Variants in CDH22 observed in about 807,000 individuals in gnomAD.
CDH22 encodes cadherin 22, also known as cadherin-22.
Under a neutral mutation model 58.4 loss-of-function variants are expected in CDH22, and 30 were observed. That is an observed-to-expected ratio of 0.51 (90% CI 0.38 to 0.70). CDH22 has a LOEUF of 0.70. CDH22 is among the 30% of genes least tolerant of loss of function. The probability of loss-of-function intolerance (pLI) is 0.00; values close to 1 mark genes in which losing one functional copy is unlikely to be tolerated. For missense variants in CDH22, 1,014 were observed against 1,233.9 expected (o/e 0.82, Z 2.67); for synonymous variants, 513 against 558.2 (o/e 0.92, Z 1.14).
At chr20:46,200,250 C>G (rs1278266933) in intron 7 of CDH22, among the ~76,000 whole-genome samples, 2 of 151,594 alleles carry the variant, frequency 1.3e-5, no homozygotes, top group Admixed American at 1.3e-4. Context: ...CCTGGGATTA[C>G]AGGCGTGAGC....
Position 46,174,401 on chromosome 20 carries a change from T to G in CDH22, c.*105A>C. 58 of 731,804 alleles carry G rather than the reference T, an allele frequency of 7.9e-5. No individual in the cohort carries two copies. Among genetic ancestry groups the G allele is most frequent in the Non-Finnish European group, 1.1e-4 (55 of 485,192 alleles). The allele number at this position is 731,804 out of a possible 1,614,324, so 45.3% of individuals were successfully genotyped here. ...CCTCCGTCCAGCCGCCAAGGGAGGG[T>G]TGGGGGAGGGCAGGAAAGGGGGTCC... On this transcript the variant is annotated 3_prime_UTR_variant, in exon 12 of 12. Coordinates refer to ENST00000537909, the MANE Select transcript of CDH22 (RefSeq NM_021248.3). The surrounding 1 kb of genome is among the most constrained non-coding windows in gnomAD (Gnocchi z 4.4).
At chr20:46,191,588 A>G (rs918935978) in intron 8 of CDH22, among the ~76,000 whole-genome samples, 2 of 152,180 alleles carry the variant, frequency 1.3e-5, no homozygotes, top group Admixed American at 1.3e-4. Flanking sequence ...CGTCCTGTCA[A>G]CCACGGTGGG....
At chr20:46,231,117 C>T (rs939566649) in intron 3 of CDH22, among the ~76,000 whole-genome samples, 15 of 152,172 alleles carry the variant, frequency 9.9e-5, no homozygotes, top group African/African-American at 3.4e-4. Flanking sequence ...AGAGCTGGGA[C>T]TGGTTGACAG....
rs528911120 is a variant in CDH22 at position 46,200,209 on chromosome 20, C to T, written c.1287-650G>A. Among the ~76,000 whole-genome samples the T allele has an allele frequency of 2.6e-5, 4 of 151,982 alleles. No individual in the cohort carries two copies. In the East Asian group the frequency reaches 5.8e-4, roughly 22 times the overall value. On this transcript the variant is annotated intron_variant, in intron 7 of 11. Coordinates refer to ENST00000537909, the MANE Select transcript of CDH22 (RefSeq NM_021248.3). ...CAGGATGGTCTTGATCTCCTGACCT[C>T]GTGATCTGCCCGCCTTGGCCTCCCA...
chr20:46,242,220 C>T (rs138515761), intron 2 of CDH22, among the ~76,000 whole-genome samples: 1 of 152,060 alleles, frequency 6.6e-6, no homozygotes, highest in African/African-American at 2.4e-5. Context: ...ATTTTTTTCC[C>T]ACTTCCTAAT....
In CDH22 at chr20:46,224,353, A is replaced by G. The variant is rs941555882; in HGVS notation, c.670+3155T>C. ...GAGCCAGGCACATAATAGGCACTCA[A>G]TAAATAGTGGTTGAATGAATGAGTG... On this transcript the variant is annotated intron_variant, in intron 4 of 11. Coordinates refer to ENST00000537909, the MANE Select transcript of CDH22 (RefSeq NM_021248.3). Among the ~76,000 whole-genome samples the G allele has an allele frequency of 9.8e-5, 15 of 152,332 alleles. No homozygotes were observed. The South Asian group carries it at 2.3e-3, about 23-fold the overall frequency.
intron 7 of CDH22, among the ~76,000 whole-genome samples, 198 bp from the exon 8 acceptor site, chr20:46,199,757 T>A (rs887093362): frequency 1.3e-5 from 2 of 152,158 alleles, no homozygotes; most frequent in African/African-American, 4.8e-5. Context: ...GCTGTGACCA[T>A]GGGCAGCCCT....
rs1165905527 is a variant in CDH22, at chr20:46,174,484, G to A, written c.*22C>T. ...GTGTGCTGGGCGGGTGAGCAGCCGC[G>A]CCCCGACGGCAGGGCGAGGGGCTAG... On this transcript the variant is annotated 3_prime_UTR_variant, in exon 12 of 12. Coordinates refer to ENST00000537909, the MANE Select transcript of CDH22 (RefSeq NM_021248.3). The surrounding 1 kb of genome is among the most constrained non-coding windows in gnomAD (Gnocchi z 4.4). 3 of 1,439,176 alleles carry A rather than the reference G, an allele frequency of 2.1e-6. No homozygotes were observed. The highest frequency in any genetic ancestry group is 2.7e-5 in the Admixed American group (1 of 36,638). 89.2% of individuals were successfully genotyped at this position (1,439,176 alleles called of 1,614,324 possible).
rs1229758926 is a variant in CDH22, at chr20:46,227,539, G to A, written c.639C>T (p.Gly213=). 8 of 1,608,366 alleles carry A rather than the reference G, an allele frequency of 5.0e-6. No homozygotes were observed. Among genetic ancestry groups the A allele is most frequent in the Admixed American group, 1.7e-5 (1 of 59,768 alleles). ...SARLVYSVLD[G]EHHFTVDPKT... The stretch of plus-strand genomic sequence containing the variant: ...TGGGGTCCACGGTGAAGTGGTGCTC[G>A]CCGTCCAGCACGCTGTACACCAGCC... The change falls in exon 4 of 12, where the codon GGC becomes GGT. Residue 213 remains glycine, a synonymous_variant. Transcript: ENST00000537909.
At chr20:46,186,803 A>T (rs1321326148) in intron 9 of CDH22, 23 bp downstream of exon 9, 1 of 1,596,698 alleles carries the variant, frequency 6.3e-7, no homozygotes, top group Non-Finnish European at 8.5e-7. Context: ...AGCAACGCCC[A>T]GTCCCCACCC....
intron 2 of CDH22, among the ~76,000 whole-genome samples, chr20:46,242,844 C>A (rs2086301909): frequency 6.6e-6 from 1 of 152,192 alleles, no homozygotes; most frequent in Non-Finnish European, 1.5e-5. Flanking sequence ...ATTATTACTG[C>A]ATGTTAGCTA....
intron 7 of CDH22, among the ~76,000 whole-genome samples, chr20:46,205,813 C>T (rs912404980): frequency 4.6e-5 from 7 of 152,168 alleles, no homozygotes; most frequent in Admixed American, 6.5e-5. Flanking sequence ...TGTCCCTTGT[C>T]GTGAGCTTGT....
intron 1 of CDH22, among the ~76,000 whole-genome samples, chr20:46,262,780 T>A (rs534717255): frequency 6.6e-6 from 1 of 152,280 alleles, no homozygotes; most frequent in Admixed American, 6.5e-5. Flanking sequence ...CGTGGCCCAC[T>A]CAACGCCCTG....
At chr20:46,305,075 C>T (rs893485796) in intron 1 of CDH22, among the ~76,000 whole-genome samples, 2 of 152,340 alleles carry the variant, frequency 1.3e-5, no homozygotes, top group East Asian at 3.9e-4. Context: ...CTGTCCTGCA[C>T]CTCTGTTTCC....
chr20:46,203,763 G>T (rs1161454848), intron 7 of CDH22, among the ~76,000 whole-genome samples: 1 of 152,244 alleles, frequency 6.6e-6, no homozygotes, highest in Non-Finnish European at 1.5e-5. Context: ...ATGCCTGGGG[G>T]CGGGGAGGTA....
chr20:46,260,984 C>T (rs112644645), intron 1 of CDH22, among the ~76,000 whole-genome samples: 5 of 152,262 alleles, frequency 3.3e-5, no homozygotes, highest in African/African-American at 1.2e-4. Flanking sequence ...ACCCCTGCCT[C>T]CTCCCCCAAA....
chr20:46,199,546 G>T lies in CDH22; in HGVS notation c.1300C>A (p.Arg434Ser). The T allele has an allele frequency of 6.2e-7, 1 of 1,613,666 alleles. No individual in the cohort carries two copies. The highest frequency in any genetic ancestry group is 8.5e-7 in the Non-Finnish European group (1 of 1,179,892). The change falls in exon 8 of 12, where the codon CGC (arginine) becomes AGC (serine). Residue 434 changes from arginine (R) to serine (S), a missense_variant. Coordinates refer to ENST00000537909, the MANE Select transcript of CDH22 (RefSeq NM_021248.3). ...ANRPVRYAID[R>S]ESDLDQIFDI... Reference sequence around the variant, plus strand: ...AAGATCTGGTCCAAATCTGATTCGCGGTCAATGGCGTACCTGCGGGGGGCA... The same window carrying T: ...AAGATCTGGTCCAAATCTGATTCGCTGTCAATGGCGTACCTGCGGGGGGCA...
At chr20:46,291,756 C>G (rs1311016573) in intron 1 of CDH22, among the ~76,000 whole-genome samples, 2 of 152,382 alleles carry the variant, frequency 1.3e-5, no homozygotes, top group Non-Finnish European at 2.9e-5. Flanking sequence ...CTCTGCACAG[C>G]CCCATGTGCC....
At chr20:46,178,652 G>C (rs2085761390) in intron 10 of CDH22, among the ~76,000 whole-genome samples, 1 of 130,296 alleles carries the variant, frequency 7.7e-6, no homozygotes, top group Non-Finnish European at 1.6e-5. Flanking sequence ...TTCCACCCCA[G>C]CTTCCCAGCG....
Sources: gnomAD v4.1 joint callset for allele counts (sites outside exome capture counted in the v4.1 genomes callset) on GRCh38, gnomAD v4.1.1 for gene constraint, Gnocchi (gnomAD v3.1) non-coding constraint, MANE v1.5 for transcripts, NCBI Gene and HGNC (gene_info 2026-07-23, HGNC 2026-07-21) for gene names.